The following TAFA2 variants were observed in gnomAD, a reference collection of about 807,000 sequenced individuals.
TAFA2 encodes TAFA chemokine like family member 2, also known as chemokine-like protein TAFA-2.
TAFA2 carries 7 observed loss-of-function variants against 18.8 expected under a neutral mutation model. The ratio of observed to expected loss-of-function variants is 0.37; its 90% CI spans 0.21 to 0.70. The LOEUF (loss-of-function observed/expected upper bound fraction) is 0.70. TAFA2 is among the 30% of genes least tolerant of loss of function. The pLI, the probability that TAFA2 is intolerant of heterozygous loss-of-function variation, is 0.53. For synonymous variants in TAFA2, 60 were observed against 54.2 expected (o/e 1.11, Z -0.47); for missense variants, 122 against 158.1 (o/e 0.77, Z 1.23).
At chr12:62,059,722 T>C (rs1882294987) in intron 1 of TAFA2, among the ~76,000 whole-genome samples, 1 of 152,210 alleles carries the variant, frequency 6.6e-6, no homozygotes, top group East Asian at 1.9e-4. Context: ...TTTTCAGTGC[T>C]TCTTGTAGGC....
chr12:61,933,388 C>T (rs1039520062), intron 1 of TAFA2, among the ~76,000 whole-genome samples: 7 of 152,110 alleles, frequency 4.6e-5, no homozygotes, highest in Non-Finnish European at 7.4e-5. Context: ...AATAAAGTTA[C>T]TGGTGCAGAA....
intron 2 of TAFA2, among the ~76,000 whole-genome samples, chr12:61,785,610 C>T (rs2120906118): frequency 2.0e-5 from 3 of 151,542 alleles, no homozygotes; most frequent in Middle Eastern, 6.8e-3. Flanking sequence ...ATGAACTCTG[C>T]AGATACCTAT....
intron 1 of TAFA2, among the ~76,000 whole-genome samples, chr12:62,027,493 T>G (rs1458490478): frequency 1.3e-5 from 2 of 152,172 alleles, no homozygotes; most frequent in African/African-American, 4.8e-5. Flanking sequence ...CCTAGTTTTT[T>G]TGTGTGCTAA....
intron 1 of TAFA2, among the ~76,000 whole-genome samples, chr12:61,950,426 TA>T (rs1408020214): frequency 1.1e-4 from 17 of 152,196 alleles, no homozygotes; most frequent in Non-Finnish European, 2.5e-4. Flanking sequence ...TGCCAACATT[TA>T]TTTTCTGTTT....
intron 1 of TAFA2, chr12:61,878,164 G>GT (rs1874950533): frequency 2.2e-6 from 1 of 445,452 alleles, no homozygotes; most frequent in Non-Finnish European, 4.5e-6. Context: ...GAAATAGAGA[G>GT]TTACTATTTA....
chr12:61,926,289 T>C (rs1565683942), intron 1 of TAFA2, among the ~76,000 whole-genome samples: 1 of 152,210 alleles, frequency 6.6e-6, no homozygotes, highest in Non-Finnish European at 1.5e-5. Context: ...GTACCATTCC[T>C]TCTGAAACTA....
At chr12:61,811,787 C>T (rs527303823) in intron 2 of TAFA2, among the ~76,000 whole-genome samples, 5 of 151,356 alleles carry the variant, frequency 3.3e-5, no homozygotes, top group African/African-American at 1.2e-4. Context: ...ACATAAATAT[C>T]TATAATCAAG....
At chr12:61,853,407 A>T (rs758539590) in intron 2 of TAFA2, among the ~76,000 whole-genome samples, 3 of 152,194 alleles carry the variant, frequency 2.0e-5, no homozygotes, top group Non-Finnish European at 4.4e-5. Flanking sequence ...TATAAAAAAA[A>T]TTTAAAACAG....
intron 1 of TAFA2, among the ~76,000 whole-genome samples, chr12:61,970,536 A>C (rs923773120): frequency 9.8e-6 from 1 of 101,730 alleles, no homozygotes; most frequent in Admixed American, 1.0e-4. Context: ...AATTTTCAGA[A>C]GTTATAATCT....
chr12:62,055,805 A>G (rs563194996), intron 1 of TAFA2, among the ~76,000 whole-genome samples: 3 of 152,312 alleles, frequency 2.0e-5, no homozygotes, highest in South Asian at 4.1e-4. Context: ...AGAACACATC[A>G]TATCTATAAT....
chr12:62,003,467 ACT>A (rs983897655), intron 1 of TAFA2, among the ~76,000 whole-genome samples: 7 of 151,898 alleles, frequency 4.6e-5, no homozygotes, highest in African/African-American at 1.7e-4. Context: ...CCCTAGATAT[ACT>A]CTCTTGACTT....
intron 1 of TAFA2, among the ~76,000 whole-genome samples, chr12:61,902,365 C>A (rs1458974651): frequency 6.6e-6 from 1 of 152,154 alleles, no homozygotes; most frequent in Non-Finnish European, 1.5e-5. Flanking sequence ...ACAATCAATG[C>A]TCAGATTTAA....
At chr12:62,059,935 A>C (rs923561031) in intron 1 of TAFA2, among the ~76,000 whole-genome samples, 22 of 152,186 alleles carry the variant, frequency 1.4e-4, no homozygotes, top group Admixed American at 3.9e-4. Flanking sequence ...TTTATGTCTG[A>C]TAATTCCTGT....
chr12:62,233,066 C>CTCTTTTTTTTTTTTTTTTTT (rs2062819516), intron 1 of TAFA2, among the ~76,000 whole-genome samples: 1 of 39,534 alleles, frequency 2.5e-5, no homozygotes, highest in African/African-American at 9.5e-5. Context: ...TTCTGCATCT[C>CTCTTTTTTTTTTTTTTTTTT]TTTTTTTTTT....
At chr12:62,251,114 A>C (rs1474990647) in intron 1 of TAFA2, among the ~76,000 whole-genome samples, 1 of 152,248 alleles carries the variant, frequency 6.6e-6, no homozygotes, top group Non-Finnish European at 1.5e-5. Flanking sequence ...AAAACCCAAA[A>C]TATGTGGCAC....
At chr12:62,046,797 T>G (rs1881920503) in intron 1 of TAFA2, among the ~76,000 whole-genome samples, 2 of 152,146 alleles carry the variant, frequency 1.3e-5, no homozygotes, top group Admixed American at 1.3e-4. Context: ...GACAGATTAC[T>G]TCTCTGTTCA....
intron 2 of TAFA2, among the ~76,000 whole-genome samples, chr12:61,864,006 T>C (rs1874235387): frequency 6.6e-6 from 1 of 152,156 alleles, no homozygotes; most frequent in Non-Finnish European, 1.5e-5. Flanking sequence ...TATTTGTGCT[T>C]AGTTTTTATC....
rs57504234 is a variant in TAFA2, at chr12:62,083,406, G to A, written c.-2+107853C>T. Among the ~76,000 whole-genome samples, 967 of 151,798 alleles carry A rather than the reference G, an allele frequency of 6.4e-3. 4 individuals carry two copies. The highest frequency in any genetic ancestry group is 1.0e-2 in the Non-Finnish European group (679 of 67,950). Reference sequence around the variant, plus strand: ...CCAAAAAGAAGAAAAATACTTATTGGACACCCCCTAGCCAAAATTCAGGTA... The same window carrying A: ...CCAAAAAGAAGAAAAATACTTATTGAACACCCCCTAGCCAAAATTCAGGTA... On this transcript the variant is annotated intron_variant, in intron 1 of 4. Transcript: ENST00000416284.
chr12:62,143,269 C>T (rs183338147), intron 1 of TAFA2, among the ~76,000 whole-genome samples: 81 of 152,290 alleles, frequency 5.3e-4, no homozygotes, highest in Non-Finnish European at 9.4e-4. Context: ...TGCTAACCCC[C>T]TTCAGCAGAA....
Sources: gnomAD v4.1 joint callset for allele counts (sites outside exome capture counted in the v4.1 genomes callset) on GRCh38, gnomAD v4.1.1 for gene constraint, MANE v1.5 for transcripts, NCBI Gene and HGNC (gene_info 2026-07-23, HGNC 2026-07-21) for gene names.